NFASC: variants seen among roughly 807,000 people sequenced by gnomAD.
The protein encoded by NFASC is neurofascin homolog.
In NFASC, 43 loss-of-function variants were observed where a neutral mutation model predicts 147.5. The observed-to-expected ratio is 0.29, with a 90% confidence interval of 0.23 to 0.38. The LOEUF is 0.38. Ranked by LOEUF, NFASC falls within the 10% of genes least tolerant of loss-of-function variation. The pLI, the probability that NFASC is intolerant of heterozygous loss-of-function variation, is 1.00. For synonymous variants in NFASC, 622 were observed against 665.5 expected (o/e 0.93, Z 1.01); for missense variants, 1,320 against 1,689.0 (o/e 0.78, Z 3.83).
At chr1:204,934,861 C>T (rs372794234) in intron 2 of NFASC, among the ~76,000 whole-genome samples, 11 of 152,238 alleles carry the variant, frequency 7.2e-5, no homozygotes, top group African/African-American at 2.2e-4. Flanking sequence ...ATGAATTCTC[C>T]GAAGAAAAAT....
intron 25 of NFASC, chr1:204,999,342 T>C (rs2095920768): frequency 6.6e-6 from 1 of 152,240 alleles, no homozygotes; most frequent in African/African-American, 2.4e-5. Context: ...TCCCACTGCC[T>C]GGCCTTTTCT....
At chr1:204,972,685 A>G (rs2802852) in intron 11 of NFASC, among the ~76,000 whole-genome samples, 152,240 of 152,372 alleles carry the variant, frequency 1, 76,054 homozygotes, top group Non-Finnish European at 1. Flanking sequence ...GTTTAACTTT[A>G]TGAATGTTTG....
chr1:204,882,338 C>T (rs1411725282), intron 1 of NFASC, among the ~76,000 whole-genome samples: 1 of 152,224 alleles, frequency 6.6e-6, no homozygotes, highest in Admixed American at 6.5e-5. Flanking sequence ...TCCCCCTGCT[C>T]TGCCGGGCTG....
At chr1:204,906,199 A>G (rs1419931552) in intron 1 of NFASC, among the ~76,000 whole-genome samples, 1 of 152,158 alleles carries the variant, frequency 6.6e-6, no homozygotes, top group East Asian at 1.9e-4. Flanking sequence ...TTTCTTCCAA[A>G]TGAGGTTTAC....
intron 3 of NFASC, 53 bp downstream of exon 3, chr1:204,944,459 G>C (rs995897282): frequency 3.8e-6 from 4 of 1,059,476 alleles, no homozygotes; most frequent in African/African-American, 1.6e-5. Context: ...GGGCAGAGGG[G>C]TGGGAGGGGA....
chr1:204,944,633 G>C, intron 3 of NFASC: 1 of 514,842 alleles, frequency 1.9e-6, no homozygotes, highest in Admixed American at 3.8e-5. Context: ...GGCTGTGGCT[G>C]AGCTGATGCT....
In NFASC at chr1:204,835,521, G is replaced by T. The variant is rs370144382; in HGVS notation, c.-200+6739G>T. Among the ~76,000 whole-genome samples, 9 of 152,194 alleles carry T rather than the reference G, an allele frequency of 5.9e-5. No individual in the cohort carries two copies. The South Asian group carries it at 1.5e-3, about 25-fold the overall frequency. ...TGGGATTACAGGCGTGAGCCACTGC[G>T]CCCGGCTGGTGGGTCTTGAGATATC... On this transcript the variant is annotated intron_variant, in intron 1 of 29. Coordinates refer to ENST00000339876, the MANE Select transcript of NFASC (RefSeq NM_001005388.3).
At chr1:204,849,556 G>A (rs1042186628) in intron 1 of NFASC, among the ~76,000 whole-genome samples, 2 of 152,160 alleles carry the variant, frequency 1.3e-5, no homozygotes, top group African/African-American at 2.4e-5. Flanking sequence ...CTGGTCCAGG[G>A]ACCACACTTG....
chr1:204,940,817 T>C (rs539151283), intron 2 of NFASC, among the ~76,000 whole-genome samples: 3 of 152,374 alleles, frequency 2.0e-5, no homozygotes, highest in African/African-American at 7.2e-5. Flanking sequence ...GGTATATACA[T>C]ACTGGAATTT....
chr1:204,917,346 A>G (rs1245383297), intron 1 of NFASC, among the ~76,000 whole-genome samples: 1 of 152,220 alleles, frequency 6.6e-6, no homozygotes, highest in Admixed American at 6.5e-5. Context: ...GACCTGTTCT[A>G]TCACTTAAAA....
In NFASC at chr1:204,970,710, C is replaced by T; in HGVS notation, c.1098C>T (p.Pro366=). The T allele has an allele frequency of 6.2e-7, 1 of 1,614,226 alleles. No individual in the cohort carries two copies. Among genetic ancestry groups the T allele is most frequent in the Non-Finnish European group, 8.5e-7 (1 of 1,180,040 alleles). The change falls in exon 11 of 30, where the codon CCC becomes CCT. Residue 366 remains proline (P), a synonymous_variant. Coordinates refer to ENST00000339876, the MANE Select transcript of NFASC (RefSeq NM_001005388.3). ...GTCGAGCCAATGGAAACCCCAAACC[C>T]ACTGTCCAGTGGATGGTGAATGGGG... ...LVCRANGNPK[P]TVQWMVNGEP...
Position 205,016,040 on chromosome 1 carries a change from T to C in NFASC, c.3492-268T>C, listed in dbSNP as rs2096354860. On this transcript the variant is annotated intron_variant, in intron 29 of 29. Transcript: ENST00000339876. This position sits in a 1 kb window ranked among gnomAD's most constrained non-coding sequence, Gnocchi z 5.1. ...CACCACACACAGGGACCCAATCTCA[T>C]GGAAAAGACCCAGAACAGGAGCCCA... Among the ~76,000 whole-genome samples the C allele has an allele frequency of 6.6e-6, 1 of 152,100 alleles. No homozygotes were observed. Among genetic ancestry groups the C allele is most frequent in the Non-Finnish European group, 1.5e-5 (1 of 68,018 alleles).
chr1:205,018,880 A>G lies in NFASC; in HGVS notation c.*2341A>G, dbSNP rs1024432830. 4 of 152,306 alleles carry G rather than the reference A, an allele frequency of 2.6e-5. No homozygotes were observed. Among genetic ancestry groups the G allele is most frequent in the African/African-American group, 9.7e-5 (4 of 41,450 alleles). 9.4% of individuals were successfully genotyped at this position (152,306 alleles called of 1,614,324 possible). On this transcript the variant is annotated 3_prime_UTR_variant, in exon 30 of 30. Transcript: ENST00000339876. Reference sequence around the variant, plus strand: ...CTGCCACACCACCTGGTGACTGGGAAGGGCTGCTTCTCTCGTAAGGGTCTT... The same window carrying G: ...CTGCCACACCACCTGGTGACTGGGAGGGGCTGCTTCTCTCGTAAGGGTCTT...
intron 1 of NFASC, among the ~76,000 whole-genome samples, chr1:204,849,023 G>A (rs2075424797): frequency 6.6e-6 from 1 of 152,250 alleles, no homozygotes; most frequent in Non-Finnish European, 1.5e-5. Context: ...GGGGACACCA[G>A]TTGGCCTAAG....
intron 3 of NFASC, among the ~76,000 whole-genome samples, chr1:204,947,703 G>C (rs1456558792): frequency 1.3e-5 from 2 of 149,264 alleles, no homozygotes; most frequent in African/African-American, 4.9e-5. Flanking sequence ...TCATCAACCA[G>C]AGTGAGTTTG....
At chr1:204,991,186 C>G in intron 23 of NFASC, 106 bp from the exon 24 acceptor site, 2 of 1,366,032 alleles carry the variant, frequency 1.5e-6, no homozygotes, top group Middle Eastern at 3.6e-4. Context: ...TGGGCTGGAA[C>G]CTTCCCTGCT....
At chr1:204,883,832 A>G (rs2080794218) in intron 1 of NFASC, among the ~76,000 whole-genome samples, 1 of 152,194 alleles carries the variant, frequency 6.6e-6, no homozygotes, top group Non-Finnish European at 1.5e-5. Context: ...CAAGCCACAC[A>G]GTGACCTCCA....
chr1:205,006,964 TGG>T (rs2096126609), intron 27 of NFASC, among the ~76,000 whole-genome samples: 2 of 151,052 alleles, frequency 1.3e-5, no homozygotes, highest in African/African-American at 2.4e-5. Context: ...GTTAAGGAGG[TGG>T]AGGTCAGCTT....
In NFASC at chr1:204,976,717, C is replaced by T. The variant is rs528348485; in HGVS notation, c.1753C>T (p.Arg585Trp). ...CCTGACCATCTTTGGGGTGGCAGAG[C>T]GGGACCAGGGCAGTTACACGTGTGT... is the stretch of plus-strand genomic sequence containing the variant. ...DSLTIFGVAE[R>W]DQGSYTCVAS... Residue 585 changes from arginine (R) to tryptophan (W), a missense_variant, in exon 16 of 30, where the codon CGG (arginine) becomes TGG (tryptophan). Arg to Trp is a moderately radical substitution (Grantham distance 101, BLOSUM62 -3). This residue lies in a region of NFASC where 981 missense variants were observed against 1,289.5 expected (regional missense o/e 0.76). Transcript: ENST00000339876. 3.7e-6 allele frequency: 6 copies of T among 1,613,940 alleles called. No individual in the cohort carries two copies. The highest frequency in any genetic ancestry group is 1.7e-4 in the Middle Eastern group (1 of 6,060).
Sources: allele counts gnomAD v4.1 joint callset (sites outside exome capture counted in the v4.1 genomes callset), GRCh38; gene constraint gnomAD v4.1.1; regional missense constraint gnomAD v4.1.1; non-coding constraint Gnocchi (gnomAD v3.1); transcripts MANE v1.5; gene names NCBI Gene and HGNC (gene_info 2026-07-23, HGNC 2026-07-21).